The following CAMK4 variants were observed in gnomAD, a reference collection of about 807,000 sequenced individuals.
CAMK4 encodes calcium/calmodulin dependent protein kinase IV, also known as calcium/calmodulin-dependent protein kinase type IV.
CAMK4 carries 22 observed loss-of-function variants against 44.9 expected under a neutral mutation model. That is an observed-to-expected ratio of 0.49 (90% CI 0.35 to 0.70). The LOEUF is 0.70. Among genes scored for constraint, CAMK4 ranks in the 30% least tolerant of loss-of-function variants. CAMK4 has a pLI of 0.01. For missense variants in CAMK4, 498 were observed against 586.8 expected, an observed-to-expected ratio of 0.85 and a Z score of 1.56; for synonymous variants, 218 against 215.4, an observed-to-expected ratio of 1.01 and a Z score of -0.11.
intron 1 of CAMK4, among the ~76,000 whole-genome samples, chr5:111,282,170 A>G (rs1321047529): frequency 6.6e-6 from 1 of 152,204 alleles, no homozygotes; most frequent in Non-Finnish European, 1.5e-5. Flanking sequence ...CAAAGCAAAT[A>G]TGGGGCTGTT....
At chr5:111,232,510 C>T (rs1386104693) in intron 1 of CAMK4, among the ~76,000 whole-genome samples, 1 of 152,034 alleles carries the variant, frequency 6.6e-6, no homozygotes. Context: ...ATTTATAAAG[C>T]ATGAACATTG....
chr5:111,246,059 G>T (rs1490758753), intron 1 of CAMK4, among the ~76,000 whole-genome samples: 1 of 152,164 alleles, frequency 6.6e-6, no homozygotes, highest in Non-Finnish European at 1.5e-5. Context: ...ACTATATGAA[G>T]CTTCTGAAAT....
chr5:111,475,094 C>G (rs568425110), intron 8 of CAMK4, among the ~76,000 whole-genome samples: 2 of 152,188 alleles, frequency 1.3e-5, no homozygotes, highest in East Asian at 1.9e-4. Context: ...ACCCAGGAGG[C>G]GGAGATTGCA....
At chr5:111,431,368 G>C (rs1212064968) in intron 5 of CAMK4, among the ~76,000 whole-genome samples, 2 of 151,268 alleles carry the variant, frequency 1.3e-5, no homozygotes, top group Non-Finnish European at 3.0e-5. Flanking sequence ...AATCAAAAAG[G>C]ATTAAAGACT....
intron 4 of CAMK4, 52 bp downstream of exon 4, chr5:111,376,994 A>G (rs1421930528): frequency 9.0e-7 from 1 of 1,107,208 alleles, no homozygotes; most frequent in East Asian, 2.4e-5. Context: ...TTGGCCACCA[A>G]AAAATAATCT....
chr5:111,302,694 G>C (rs1360899417), intron 1 of CAMK4: 7 of 51,424 alleles, frequency 1.4e-4, no homozygotes, highest in African/African-American at 5.7e-4. Flanking sequence ...GCCCAGGCTT[G>C]CTTAGGTAAA....
intron 5 of CAMK4, among the ~76,000 whole-genome samples, chr5:111,434,245 A>G (rs1168940329): frequency 6.6e-6 from 1 of 150,920 alleles, no homozygotes. Flanking sequence ...GTGAGCCAAG[A>G]TCGCGCCACT....
At chr5:111,292,500 C>T (rs979516125) in intron 1 of CAMK4, among the ~76,000 whole-genome samples, 1 of 151,888 alleles carries the variant, frequency 6.6e-6, no homozygotes, top group Non-Finnish European at 1.5e-5. Flanking sequence ...TAAAAGCCCA[C>T]CTTATTTTAA....
intron 7 of CAMK4, among the ~76,000 whole-genome samples, chr5:111,458,982 CT>C (rs1039463764): frequency 6.6e-6 from 1 of 152,140 alleles, no homozygotes; most frequent in African/African-American, 2.4e-5. Context: ...AGGCTTGGGA[CT>C]TGTTAATTTC....
chr5:111,354,737 C>T (rs1027469658), intron 2 of CAMK4, among the ~76,000 whole-genome samples: 4 of 152,014 alleles, frequency 2.6e-5, no homozygotes, highest in South Asian at 2.1e-4. Context: ...ATAAATAAGA[C>T]TCCTTTGGGC....
At chr5:111,275,986 C>T (rs1467706438) in intron 1 of CAMK4, among the ~76,000 whole-genome samples, 1 of 151,772 alleles carries the variant, frequency 6.6e-6, no homozygotes. Flanking sequence ...ATATATAGTC[C>T]CACCATCTTC....
chr5:111,377,400 C>A (rs1219872670), intron 4 of CAMK4, among the ~76,000 whole-genome samples: 2 of 151,448 alleles, frequency 1.3e-5, no homozygotes, highest in Non-Finnish European at 2.9e-5. Flanking sequence ...CTTTAGAAGT[C>A]TGTGTAAAGA....
chr5:111,348,606 G>A (rs557876617), intron 2 of CAMK4, among the ~76,000 whole-genome samples: 1 of 152,042 alleles, frequency 6.6e-6, no homozygotes, highest in East Asian at 1.9e-4. Context: ...GCATCATAAA[G>A]TCTGCAATTT....
intron 1 of CAMK4, among the ~76,000 whole-genome samples, chr5:111,256,771 AT>A (rs993713787): frequency 3.3e-5 from 5 of 152,164 alleles, no homozygotes; most frequent in African/African-American, 1.2e-4. Context: ...GCAGCTTATT[AT>A]TTTTGAAAAT....
At chr5:111,394,570 A>G (rs1028553702) in intron 4 of CAMK4, 140 bp from the exon 5 acceptor site, 1 of 570,736 alleles carries the variant, frequency 1.8e-6, no homozygotes, top group African/African-American at 1.9e-5. Context: ...CAGTTTGTGG[A>G]AATCTTTCCC....
Position 111,478,515 on chromosome 5 carries a change from T to C in CAMK4, c.828+8T>C. The stretch of plus-strand genomic sequence containing the variant: ...CTAAATGCCAAGGACTTGGTAAGTG[T>C]AACCAAAACAAAATGAAACAAAATG... On this transcript the variant is annotated splice_region_variant and intron_variant, in intron 9 of 10. Transcript: ENST00000282356. 3 of 1,423,852 alleles carry C rather than the reference T, an allele frequency of 2.1e-6. No homozygotes were observed. Among genetic ancestry groups the C allele is most frequent in the Non-Finnish European group, 2.9e-6 (3 of 1,049,470 alleles). 88.2% of individuals were successfully genotyped at this position (1,423,852 alleles called of 1,614,324 possible). A position where few individuals can be genotyped will look rare whatever the true frequency, so the allele number is the denominator to read the frequency against.
chr5:111,224,743 C>G lies in CAMK4; in HGVS notation c.161+99C>G. ...AGGGTGCGGGAGCCTGCCTTCGTGC[C>G]CTTCGATTTCTCCCTACCTAGTTAG... On this transcript the variant is annotated intron_variant, in intron 1 of 10. Coordinates refer to ENST00000282356, the MANE Select transcript of CAMK4 (RefSeq NM_001744.6). The surrounding 1 kb of genome is among the most constrained non-coding windows in gnomAD (Gnocchi z 5.7). 8.7e-7 allele frequency: 1 copy of G among 1,153,538 alleles called. No individual in the cohort carries two copies. Among genetic ancestry groups the G allele is most frequent in the Non-Finnish European group, 1.2e-6 (1 of 820,898 alleles). 71.5% of individuals were successfully genotyped at this position (1,153,538 alleles called of 1,614,324 possible). A position where few individuals can be genotyped will look rare whatever the true frequency, so the allele number is the denominator to read the frequency against.
At chr5:111,313,155 G>A (rs1327470040) in intron 1 of CAMK4, among the ~76,000 whole-genome samples, 1 of 151,982 alleles carries the variant, frequency 6.6e-6, no homozygotes, top group Non-Finnish European at 1.5e-5. Flanking sequence ...TGCTCTGCAG[G>A]AGAGGGGGTC....
chr5:111,329,256 C>G (rs1357586026), intron 1 of CAMK4, among the ~76,000 whole-genome samples: 2 of 151,858 alleles, frequency 1.3e-5, no homozygotes. Flanking sequence ...CTATGAGAAA[C>G]CCACAGCCAA....
Sources: allele counts gnomAD v4.1 joint callset (sites outside exome capture counted in the v4.1 genomes callset), GRCh38; gene constraint gnomAD v4.1.1; non-coding constraint Gnocchi (gnomAD v3.1); transcripts MANE v1.5; gene names NCBI Gene and HGNC (gene_info 2026-07-23, HGNC 2026-07-21).